Variants in NPAS3 observed in about 807,000 individuals in gnomAD.
NPAS3 encodes neuronal PAS domain protein 3.
In NPAS3, 14 loss-of-function variants were observed where a neutral mutation model predicts 73.1. That is an observed-to-expected ratio of 0.19 (90% CI 0.13 to 0.30). The LOEUF is 0.30. Among genes scored for constraint, NPAS3 ranks in the 10% least tolerant of loss-of-function variants. NPAS3 has a pLI of 1.00. For synonymous variants in NPAS3, 620 were observed against 541.5 expected (o/e 1.14, Z -2.01); for missense variants, 1,096 against 1,250.0 (o/e 0.88, Z 1.86).
At chr14:33,647,514 G>A (rs754818004) in intron 5 of NPAS3, among the ~76,000 whole-genome samples, 1 of 151,982 alleles carries the variant, frequency 6.6e-6, no homozygotes, top group Non-Finnish European at 1.5e-5. Context: ...TTTAGAAATG[G>A]CAGGTCTTTA....
At chr14:33,146,615 A>G (rs530235180) in intron 2 of NPAS3, among the ~76,000 whole-genome samples, 2 of 152,218 alleles carry the variant, frequency 1.3e-5, no homozygotes, top group Non-Finnish European at 2.9e-5. Context: ...GAAAACAACA[A>G]CAGTAATATT....
At chr14:33,635,579 G>A (rs2058491866) in intron 5 of NPAS3, among the ~76,000 whole-genome samples, 1 of 152,122 alleles carries the variant, frequency 6.6e-6, no homozygotes, top group Non-Finnish European at 1.5e-5. Flanking sequence ...CTCCCAACAA[G>A]TTTCCCTGAG....
At chr14:33,688,419 C>A (rs2060147528) in intron 6 of NPAS3, among the ~76,000 whole-genome samples, 1 of 152,080 alleles carries the variant, frequency 6.6e-6, no homozygotes, top group Non-Finnish European at 1.5e-5. Context: ...CTTACTAATA[C>A]CCCGAAAGCA....
intron 9 of NPAS3, among the ~76,000 whole-genome samples, chr14:33,788,173 C>A (rs918390755): frequency 6.6e-6 from 1 of 151,498 alleles, no homozygotes; most frequent in African/African-American, 2.4e-5. Context: ...TCTAGCACAC[C>A]CCCCTCACTT....
At chr14:33,012,515 G>A (rs2039241299) in intron 1 of NPAS3, among the ~76,000 whole-genome samples, 1 of 151,708 alleles carries the variant, frequency 6.6e-6, no homozygotes, top group East Asian at 1.9e-4. Flanking sequence ...AATGGTGTCA[G>A]GAAAAGTATA....
chr14:33,457,170 T>C (rs182738313), intron 4 of NPAS3, among the ~76,000 whole-genome samples: 24 of 152,304 alleles, frequency 1.6e-4, no homozygotes, highest in African/African-American at 5.8e-4. Flanking sequence ...GTTGTGTCAT[T>C]CTCTCTCAGC....
chr14:33,607,407 C>CAA (rs35133518), intron 5 of NPAS3, among the ~76,000 whole-genome samples: 25 of 125,278 alleles, frequency 2.0e-4, no homozygotes, highest in East Asian at 1.2e-3. Flanking sequence ...TAAGCCAAAC[C>CAA]AAAAAAAAAA....
intron 4 of NPAS3, among the ~76,000 whole-genome samples, chr14:33,464,469 TCGGTGAC>T (rs1450661352): frequency 3.3e-5 from 5 of 152,156 alleles, no homozygotes; most frequent in Non-Finnish European, 7.4e-5. Context: ...TACCAAAGCA[TCGGTGAC>T]ATAGCTGACC....
intron 1 of NPAS3, among the ~76,000 whole-genome samples, chr14:32,956,251 T>C (rs2036665988): frequency 6.6e-6 from 1 of 152,150 alleles, no homozygotes; most frequent in African/African-American, 2.4e-5. Context: ...TAGGCCAAAA[T>C]TGAAAAATTC....
At chr14:33,639,016 C>T (rs926487362) in intron 5 of NPAS3, among the ~76,000 whole-genome samples, 3 of 152,220 alleles carry the variant, frequency 2.0e-5, no homozygotes, top group African/African-American at 4.8e-5. Flanking sequence ...TCTACTCAGA[C>T]TTGTGTCCAA....
intron 3 of NPAS3, among the ~76,000 whole-genome samples, chr14:33,334,034 A>G (rs911276630): frequency 4.6e-5 from 7 of 152,170 alleles, no homozygotes; most frequent in African/African-American, 9.7e-5. Context: ...TTAATGTTGA[A>G]TATGAATAAA....
intron 3 of NPAS3, among the ~76,000 whole-genome samples, chr14:33,342,314 G>A (rs577755592): frequency 6.0e-4 from 92 of 152,314 alleles, no homozygotes; most frequent in African/African-American, 2.1e-3. Flanking sequence ...GGGTGTCAGA[G>A]GCAAAACTGC....
At chr14:33,454,086 C>T (rs17101237) in intron 4 of NPAS3, among the ~76,000 whole-genome samples, 13,841 of 152,152 alleles carry the variant, frequency 0.091, 675 homozygotes, top group African/African-American at 0.13. Context: ...ATGATAGCTT[C>T]CTTTAGCCTA....
intron 9 of NPAS3, among the ~76,000 whole-genome samples, chr14:33,791,256 C>A (rs964384196): frequency 6.6e-6 from 1 of 152,196 alleles, no homozygotes; most frequent in African/African-American, 2.4e-5. Context: ...CTCCCCGACT[C>A]CCCAAGGAAG....
intron 5 of NPAS3, among the ~76,000 whole-genome samples, chr14:33,650,718 C>T (rs1033411493): frequency 6.6e-6 from 1 of 151,510 alleles, no homozygotes. Context: ...CTTCTGGGGG[C>T]TCTAAGATGG....
At chr14:33,015,243 C>T (rs539225567) in intron 1 of NPAS3, among the ~76,000 whole-genome samples, 1 of 152,304 alleles carries the variant, frequency 6.6e-6, no homozygotes, top group South Asian at 2.1e-4. Context: ...CTGTCTTCAT[C>T]TGTTTTTCAA....
At chr14:33,500,759 A>C (rs1287621086) in intron 4 of NPAS3, among the ~76,000 whole-genome samples, 2 of 151,954 alleles carry the variant, frequency 1.3e-5, no homozygotes, top group East Asian at 3.9e-4. Context: ...AACCATAAGC[A>C]GAATTTGTTG....
At chr14:33,365,273 T>C (rs1356680276) in intron 3 of NPAS3, among the ~76,000 whole-genome samples, 2 of 145,110 alleles carry the variant, frequency 1.4e-5, no homozygotes. Flanking sequence ...TACCATAATG[T>C]GCAATTAACA....
chr14:33,187,386 G>C (rs2046015729), intron 2 of NPAS3, among the ~76,000 whole-genome samples: 1 of 152,106 alleles, frequency 6.6e-6, no homozygotes, highest in Admixed American at 6.5e-5. Context: ...AATTTCTCTT[G>C]ATCATTCTTT....
Sources: allele counts gnomAD v4.1 joint callset (sites outside exome capture counted in the v4.1 genomes callset), GRCh38; gene constraint gnomAD v4.1.1; transcripts MANE v1.5; gene names NCBI Gene and HGNC (gene_info 2026-07-23, HGNC 2026-07-21).